Variants in ITPR2 observed in about 807,000 individuals in gnomAD.
The protein encoded by ITPR2 is inositol 1,4,5-trisphosphate-gated calcium channel ITPR2.
Under a neutral mutation model 317.1 loss-of-function variants are expected in ITPR2, and 207 were observed. The ratio of observed to expected loss-of-function variants is 0.65; its 90% CI spans 0.58 to 0.73. The LOEUF (loss-of-function observed/expected upper bound fraction) is 0.73, where lower values mean the gene tolerates loss of function less well. Ranked by LOEUF, ITPR2 falls within the 30% of genes least tolerant of loss-of-function variation. The pLI is 0.00. For synonymous variants in ITPR2, 1,156 were observed against 1,149.1 expected, an observed-to-expected ratio of 1.01 and a Z score of -0.12; for missense variants, 2,613 against 3,284.0, an observed-to-expected ratio of 0.80 and a Z score of 4.99.
intron 55 of ITPR2, among the ~76,000 whole-genome samples, chr12:26,360,821 G>T (rs1222662054): frequency 6.6e-6 from 1 of 151,892 alleles, no homozygotes; most frequent in Non-Finnish European, 1.5e-5. Flanking sequence ...TGACATCTTT[G>T]CATGGTCATT....
chr12:26,714,897 T>C (rs1392526331), intron 8 of ITPR2, among the ~76,000 whole-genome samples: 1 of 152,248 alleles, frequency 6.6e-6, no homozygotes, highest in Non-Finnish European at 1.5e-5. Context: ...CCTCAGGGAC[T>C]GAGTAGTTCT....
intron 1 of ITPR2, among the ~76,000 whole-genome samples, chr12:26,822,624 G>C (rs958576860): frequency 6.6e-6 from 1 of 152,106 alleles, no homozygotes; most frequent in South Asian, 2.1e-4. Flanking sequence ...TGAAATACTA[G>C]GGATGGAAAC....
chr12:26,761,995 C>T (rs1329397686), intron 2 of ITPR2, among the ~76,000 whole-genome samples: 1 of 151,900 alleles, frequency 6.6e-6, no homozygotes, highest in Non-Finnish European at 1.5e-5. Context: ...TTTGATCAAA[C>T]TATAGAAGGT....
intron 41 of ITPR2, among the ~76,000 whole-genome samples, chr12:26,484,238 A>G (rs1441275330): frequency 6.6e-6 from 1 of 151,398 alleles, no homozygotes; most frequent in Non-Finnish European, 1.5e-5. Flanking sequence ...CAAACTACAC[A>G]GAGAGGGAAA....
chr12:26,520,375 G>T (rs1410329412), intron 37 of ITPR2, among the ~76,000 whole-genome samples: 1 of 152,160 alleles, frequency 6.6e-6, no homozygotes, highest in Admixed American at 6.5e-5. Flanking sequence ...CTTCCTATGG[G>T]CTTCCTGTTG....
intron 21 of ITPR2, among the ~76,000 whole-genome samples, chr12:26,635,081 T>C (rs568371738): frequency 6.6e-6 from 1 of 152,296 alleles, no homozygotes; most frequent in Admixed American, 6.5e-5. Context: ...ATACATTGCT[T>C]TGTTCTTTGA....
intron 55 of ITPR2, among the ~76,000 whole-genome samples, chr12:26,352,138 T>C (rs1296473207): frequency 6.6e-6 from 1 of 152,232 alleles, no homozygotes; most frequent in Non-Finnish European, 1.5e-5. Context: ...CTGAAAAGGC[T>C]GATACTCTGT....
At chr12:26,567,980 A>ATATATATTATATATAT (rs1565609543) in intron 34 of ITPR2, among the ~76,000 whole-genome samples, 23 of 7,590 alleles carry the variant, frequency 3.0e-3, no homozygotes, top group South Asian at 6.3e-3. Context: ...TATATATATT[A>ATATATATTATATATAT]TATATATATA....
chr12:26,345,599 T>C (rs766311796), intron 55 of ITPR2, among the ~76,000 whole-genome samples: 4 of 152,204 alleles, frequency 2.6e-5, no homozygotes, highest in Non-Finnish European at 5.9e-5. Context: ...GGGATTACTG[T>C]ACATTCTTTT....
chr12:26,670,182 T>C (rs1309261257), intron 13 of ITPR2, among the ~76,000 whole-genome samples: 1 of 152,198 alleles, frequency 6.6e-6, no homozygotes, highest in Non-Finnish European at 1.5e-5. Context: ...GTCTGACAGC[T>C]TTGAAGAGAG....
At chr12:26,456,614 T>C (rs182602731) in intron 45 of ITPR2, among the ~76,000 whole-genome samples, 2 of 152,324 alleles carry the variant, frequency 1.3e-5, no homozygotes, top group East Asian at 3.9e-4. Context: ...CCCCAAATTC[T>C]TTCTTGCATG....
intron 55 of ITPR2, among the ~76,000 whole-genome samples, chr12:26,385,867 G>A (rs1939651135): frequency 6.6e-6 from 1 of 151,656 alleles, no homozygotes; most frequent in South Asian, 2.1e-4. Flanking sequence ...GCCTTCGCAG[G>A]TTTTCATTTG....
intron 35 of ITPR2, among the ~76,000 whole-genome samples, chr12:26,557,947 C>T (rs571603387): frequency 6.6e-6 from 1 of 152,138 alleles, no homozygotes; most frequent in South Asian, 2.1e-4. Context: ...TTGCCAATTG[C>T]TTATTGTCAC....
rs1002783929 is a variant in ITPR2, at chr12:26,832,857, G to A, written c.-76C>T. On this transcript the variant is annotated 5_prime_UTR_variant, in exon 1 of 57. Coordinates refer to ENST00000381340, the MANE Select transcript of ITPR2 (RefSeq NM_002223.4). ...CGCCCTCTCTCCAGGGAGCCGCCGC[G>A]GCAGAAGCGGATCGGATCGCGGGAC... The A allele has an allele frequency of 2.6e-6, 3 of 1,171,248 alleles. No homozygotes were observed. Among genetic ancestry groups the A allele is most frequent in the Non-Finnish European group, 2.5e-6 (2 of 798,038 alleles). 72.6% of individuals were successfully genotyped at this position (1,171,248 alleles called of 1,614,324 possible).
intron 55 of ITPR2, among the ~76,000 whole-genome samples, chr12:26,381,824 GCA>G (rs1316063184): frequency 2.6e-5 from 4 of 152,192 alleles, no homozygotes; most frequent in Non-Finnish European, 5.9e-5. Context: ...ACTTGTGGAG[GCA>G]GCAGCTCTCC....
At chr12:26,816,738 G>A (rs991105684) in intron 1 of ITPR2, among the ~76,000 whole-genome samples, 1 of 152,078 alleles carries the variant, frequency 6.6e-6, no homozygotes, top group Non-Finnish European at 1.5e-5. Context: ...TATAGTAAAG[G>A]GGCCTCACAT....
At chr12:26,629,379 G>A (rs751764400) in intron 22 of ITPR2, among the ~76,000 whole-genome samples, 1 of 152,098 alleles carries the variant, frequency 6.6e-6, no homozygotes, top group African/African-American at 2.4e-5. Context: ...TTGACCTCAC[G>A]AATTCAAGAC....
intron 21 of ITPR2, among the ~76,000 whole-genome samples, chr12:26,650,436 C>T (rs993452958): frequency 3.9e-5 from 6 of 152,010 alleles, no homozygotes; most frequent in African/African-American, 4.8e-5. Context: ...CCAATGTCAA[C>T]GATGAACTTT....
chr12:26,484,068 C>T (rs1942604357), intron 41 of ITPR2, among the ~76,000 whole-genome samples, 170 bp from the exon 42 acceptor site: 1 of 151,110 alleles, frequency 6.6e-6, no homozygotes, highest in African/African-American at 2.4e-5. Context: ...GGTTTTTCCC[C>T]AAGCATCTAT....
Sources: gnomAD v4.1 joint callset for allele counts (sites outside exome capture counted in the v4.1 genomes callset) on GRCh38, gnomAD v4.1.1 for gene constraint, MANE v1.5 for transcripts, NCBI Gene and HGNC (gene_info 2026-07-23, HGNC 2026-07-21) for gene names.